Variants in KIF16B observed in about 807,000 individuals in gnomAD.
KIF16B encodes kinesin family member 16B, also known as kinesin-like protein KIF16B.
In KIF16B, 98 loss-of-function variants were observed where a neutral mutation model predicts 156.3. That is an observed-to-expected ratio of 0.63 (90% CI 0.53 to 0.74). The LOEUF (loss-of-function observed/expected upper bound fraction) is 0.74. Ranked by LOEUF, KIF16B falls within the 30% of genes least tolerant of loss-of-function variation. The pLI is 0.00. For synonymous variants in KIF16B, 564 were observed against 583.7 expected, an observed-to-expected ratio of 0.97 and a Z score of 0.49; for missense variants, 1,421 against 1,606.5, an observed-to-expected ratio of 0.88 and a Z score of 1.97.
At chr20:16,357,514 T>A (rs1045781477) in intron 22 of KIF16B, among the ~76,000 whole-genome samples, 4 of 152,236 alleles carry the variant, frequency 2.6e-5, no homozygotes, top group African/African-American at 9.6e-5. Flanking sequence ...TACATTGAGC[T>A]AATGAACACT....
intron 1 of KIF16B, among the ~76,000 whole-genome samples, chr20:16,540,264 G>A (rs1370072708): frequency 6.6e-6 from 1 of 152,170 alleles, no homozygotes; most frequent in Non-Finnish European, 1.5e-5. Context: ...ATTTCTGAAA[G>A]GATAAATAGC....
chr20:16,444,539 G>A (rs778733541), intron 12 of KIF16B, among the ~76,000 whole-genome samples: 7 of 152,144 alleles, frequency 4.6e-5, no homozygotes, highest in Non-Finnish European at 1.0e-4. Flanking sequence ...GAGTACTTGC[G>A]ACACAGGTGG....
At chr20:16,476,981 T>A (rs1212557476) in intron 12 of KIF16B, among the ~76,000 whole-genome samples, 1 of 151,762 alleles carries the variant, frequency 6.6e-6, no homozygotes, top group Non-Finnish European at 1.5e-5. Context: ...TCTCCTGACC[T>A]CATAATCCGC....
intron 25 of KIF16B, among the ~76,000 whole-genome samples, chr20:16,278,949 C>T (rs1282110609): frequency 6.6e-6 from 1 of 152,186 alleles, no homozygotes; most frequent in Non-Finnish European, 1.5e-5. Context: ...TGGGGACCAG[C>T]AGGCACTGGT....
At chr20:16,495,326 G>A (rs1203320657) in intron 11 of KIF16B, among the ~76,000 whole-genome samples, 2 of 152,182 alleles carry the variant, frequency 1.3e-5, no homozygotes, top group Non-Finnish European at 2.9e-5. Context: ...ACATCTGCCT[G>A]TACTCTCACT....
chr20:16,474,223 C>T (rs776193997), intron 12 of KIF16B, among the ~76,000 whole-genome samples: 9 of 152,192 alleles, frequency 5.9e-5, no homozygotes, highest in Non-Finnish European at 1.2e-4. Context: ...CTGTTGACCA[C>T]GCCCCCCTTT....
chr20:16,397,052 T>C (rs543757470), intron 17 of KIF16B, among the ~76,000 whole-genome samples: 3 of 152,366 alleles, frequency 2.0e-5, no homozygotes, highest in African/African-American at 7.2e-5. Flanking sequence ...TTGGAAGTTA[T>C]CTAATTTTGC....
intron 13 of KIF16B, 81 bp from the exon 14 acceptor site, chr20:16,429,085 C>A: frequency 8.5e-7 from 1 of 1,175,256 alleles, no homozygotes; most frequent in Middle Eastern, 1.9e-4. Context: ...GAAGCCCAAA[C>A]AACATAGTGG....
At chr20:16,358,635 C>T (rs2064492148) in intron 22 of KIF16B, among the ~76,000 whole-genome samples, 2 of 152,200 alleles carry the variant, frequency 1.3e-5, no homozygotes, top group African/African-American at 2.4e-5. Context: ...CGCAATGGTA[C>T]CCCACCCTGT....
In KIF16B at chr20:16,427,039, T is replaced by C. The variant is rs532538555; in HGVS notation, c.1612+65A>G. ...ATTCTAAGATGCACATGTTCCCCCA[T>C]TGCCTAGCCAACTTGTTTTCTCAAA... is the stretch of plus-strand genomic sequence containing the variant. On this transcript the variant is annotated intron_variant, in intron 15 of 25. Transcript: ENST00000354981. 1.0e-5 allele frequency: 14 copies of C among 1,406,738 alleles called. No individual in the cohort carries two copies. The African/African-American group carries it at 1.6e-4, about 16-fold the overall frequency. 87.1% of individuals were successfully genotyped at this position (1,406,738 alleles called of 1,614,324 possible).
intron 1 of KIF16B, among the ~76,000 whole-genome samples, chr20:16,552,255 C>T (rs2070695872): frequency 6.6e-6 from 1 of 152,192 alleles, no homozygotes; most frequent in South Asian, 2.1e-4. Flanking sequence ...AAGCCTTTAG[C>T]TTCCTATAAG....
At position 16,379,350 on chromosome 20, in the gene KIF16B, A is replaced by G; in HGVS notation, c.2652T>C (p.Asp884=). 1.9e-6 allele frequency: 3 copies of G among 1,606,242 alleles called. No homozygotes were observed. The East Asian group carries it at 6.7e-5, about 36-fold the overall frequency. ...LLEKHDESVT[D]VTEVPQDFEK... is the part of the protein sequence containing the mutation. Reference sequence around the variant, plus strand: ...CGAAATCTTGAGGCACTTCCGTGACATCTGTGACACTCTCATCATGTTTTT... The same window carrying G: ...CGAAATCTTGAGGCACTTCCGTGACGTCTGTGACACTCTCATCATGTTTTT... Residue 884 remains aspartate (D), a synonymous_variant, in exon 19 of 26, where the codon GAT becomes GAC. Transcript: ENST00000354981.
intron 25 of KIF16B, among the ~76,000 whole-genome samples, chr20:16,273,707 G>A (rs1034615466): frequency 6.7e-6 from 1 of 150,216 alleles, no homozygotes; most frequent in African/African-American, 2.4e-5. Flanking sequence ...ATCAGAATAC[G>A]GTCAAGGTAC....
intron 23 of KIF16B, among the ~76,000 whole-genome samples, chr20:16,337,617 C>T (rs1453170316): frequency 6.6e-6 from 1 of 152,188 alleles, no homozygotes; most frequent in African/African-American, 2.4e-5. Context: ...GCATTTAAAG[C>T]TGGCAAGCAC....
At chr20:16,331,690 C>T (rs1601586298) in intron 24 of KIF16B, among the ~76,000 whole-genome samples, 1 of 152,088 alleles carries the variant, frequency 6.6e-6, no homozygotes, top group East Asian at 1.9e-4. Flanking sequence ...AAATATGTTC[C>T]CACTTGGCTA....
chr20:16,451,573 A>G (rs1420874596), intron 12 of KIF16B, among the ~76,000 whole-genome samples: 1 of 151,930 alleles, frequency 6.6e-6, no homozygotes, highest in Non-Finnish European at 1.5e-5. Context: ...ACAACAACAA[A>G]ATTACTCTGC....
chr20:16,529,056 G>A (rs1310170842), intron 1 of KIF16B, among the ~76,000 whole-genome samples: 2 of 152,334 alleles, frequency 1.3e-5, no homozygotes, highest in Admixed American at 1.3e-4. Flanking sequence ...TTATGGCGTG[G>A]CCACTGGGAT....
chr20:16,553,373 C>T (rs530997826), intron 1 of KIF16B, among the ~76,000 whole-genome samples: 161 of 152,284 alleles, frequency 1.1e-3, no homozygotes, highest in Non-Finnish European at 1.8e-3. Context: ...AACTAGAGAA[C>T]TTGTGAGGCT....
rs74879954 is a variant in KIF16B, at chr20:16,290,555, C to T, written c.3796-17144G>A. ...GATAACCTGCTGCCTGTGTTTTGTT[C>T]TCTGGACGAGGGGTGCCTGATGCTC... On this transcript the variant is annotated intron_variant, in intron 25 of 25. Transcript: ENST00000354981. Among the ~76,000 whole-genome samples, 1,123 of 152,074 alleles carry T rather than the reference C, an allele frequency of 7.4e-3. 8 individuals carry two copies. Among genetic ancestry groups the T allele is most frequent in the Non-Finnish European group, 0.012 (849 of 67,930 alleles).
Sources: allele counts gnomAD v4.1 joint callset (sites outside exome capture counted in the v4.1 genomes callset), GRCh38; gene constraint gnomAD v4.1.1; transcripts MANE v1.5; gene names NCBI Gene and HGNC (gene_info 2026-07-23, HGNC 2026-07-21).